Variants in UAP1 observed in about 807,000 individuals in gnomAD.
The protein encoded by UAP1 is UDP-N-acetylglucosamine pyrophosphorylase 1.
In UAP1, 25 loss-of-function variants were observed where a neutral mutation model predicts 58.5. That is an observed-to-expected ratio of 0.43 (90% CI 0.31 to 0.60). The LOEUF (loss-of-function observed/expected upper bound fraction) is 0.60, where lower values mean the gene tolerates loss of function less well. Ranked by LOEUF, UAP1 falls within the 20% of genes least tolerant of loss-of-function variation. The pLI, the probability that UAP1 is intolerant of heterozygous loss-of-function variation, is 0.11. For synonymous variants in UAP1, 208 were observed against 213.0 expected, an observed-to-expected ratio of 0.98 and a Z score of 0.21; for missense variants, 575 against 630.0, an observed-to-expected ratio of 0.91 and a Z score of 0.93.
chr1:162,594,165 A>G (rs1470192604), intron 9 of UAP1, among the ~76,000 whole-genome samples: 1 of 152,146 alleles, frequency 6.6e-6, no homozygotes, highest in South Asian at 2.1e-4. Context: ...TAATTATACA[A>G]CTCACTGTAA....
chr1:162,579,511 A>G, exon 4 of UAP1: 1 of 1,612,000 alleles, frequency 6.2e-7, no homozygotes, highest in Non-Finnish European at 8.5e-7. Context: ...AAAAAAGAGA[A>G]TGTAATCTTT....
At chr1:162,572,000 G>C (rs986823282) in intron 2 of UAP1, among the ~76,000 whole-genome samples, 5 of 152,192 alleles carry the variant, frequency 3.3e-5, no homozygotes, top group Non-Finnish European at 5.9e-5. Flanking sequence ...GTGTAAACAG[G>C]AAGAAGTTAA....
intron 1 of UAP1, among the ~76,000 whole-genome samples, chr1:162,563,453 C>T (rs1281064851): frequency 6.6e-6 from 1 of 152,084 alleles, no homozygotes; most frequent in African/African-American, 2.4e-5. Flanking sequence ...CAACCTCCGC[C>T]TCCCCGGTTC....
intron 5 of UAP1, among the ~76,000 whole-genome samples, chr1:162,585,170 G>A (rs185115229): frequency 2.6e-5 from 4 of 152,156 alleles, no homozygotes; most frequent in East Asian, 1.9e-4. Flanking sequence ...GATTATAGGT[G>A]TAAGCTACTG....
Position 162,579,424 on chromosome 1 carries a change from T to C in UAP1, c.486-4T>C. The C allele has an allele frequency of 1.3e-6, 2 of 1,499,768 alleles. No individual in the cohort carries two copies. The highest frequency in any genetic ancestry group is 1.8e-6 in the Non-Finnish European group (2 of 1,120,990). 92.9% of individuals were successfully genotyped at this position (1,499,768 alleles called of 1,614,324 possible). A position where few individuals can be genotyped will look rare whatever the true frequency, so the allele number is the denominator to read the frequency against. On this transcript the variant is annotated splice_region_variant and splice_polypyrimidine_tract_variant and intron_variant, in intron 3 of 10. Transcript: ENST00000271469. ...GCTTAGAAGATCTGATTTTCTCTTG[T>C]AAGGTATATAATGACCAGTGGCAGA...
intron 5 of UAP1, among the ~76,000 whole-genome samples, chr1:162,586,807 C>A (rs1654928784): frequency 6.6e-6 from 1 of 152,138 alleles, no homozygotes; most frequent in Non-Finnish European, 1.5e-5. Flanking sequence ...TATCACATCA[C>A]TGGTTTTCAG....
chr1:162,576,535 A>G (rs1654191249), intron 2 of UAP1, among the ~76,000 whole-genome samples: 1 of 152,186 alleles, frequency 6.6e-6, no homozygotes, highest in Non-Finnish European at 1.5e-5. Flanking sequence ...TCTGTGCCTT[A>G]CGTTGATAAG....
At position 162,571,154 on chromosome 1, in the gene UAP1, A is replaced by T. The variant is rs1653840498; in HGVS notation, c.280+4806A>T. Among the ~76,000 whole-genome samples, 6 of 143,432 alleles carry T rather than the reference A, an allele frequency of 4.2e-5. No homozygotes were observed. The South Asian group carries it at 1.1e-3, about 26-fold the overall frequency. 94.1% of individuals were successfully genotyped at this position (143,432 alleles called of 152,430 possible). A position where few individuals can be genotyped will look rare whatever the true frequency, so the allele number is the denominator to read the frequency against. Reference sequence around the variant, plus strand: ...TTTGTTTGTTTGTTTTTTGAGGCGGAGTCTCACTCCGTTGCCCAGGCTGGA... The same window carrying T: ...TTTGTTTGTTTGTTTTTTGAGGCGGTGTCTCACTCCGTTGCCCAGGCTGGA... On this transcript the variant is annotated intron_variant, in intron 2 of 10. Coordinates refer to ENST00000271469, the Ensembl canonical transcript of UAP1.
intron 5 of UAP1, among the ~76,000 whole-genome samples, chr1:162,582,679 C>T (rs1365942276): frequency 6.6e-6 from 1 of 152,108 alleles, no homozygotes; most frequent in Non-Finnish European, 1.5e-5. Context: ...AAAAGGAAGA[C>T]CTTTCTACTG....
intron 4 of UAP1, 32 bp from the exon 5 acceptor site, chr1:162,581,255 A>T: frequency 6.3e-7 from 1 of 1,575,934 alleles, no homozygotes; most frequent in Non-Finnish European, 8.6e-7. Context: ...ATGGATTTTG[A>T]TATGCTACTA....
At position 162,581,664 on chromosome 1, in the gene UAP1, G is replaced by T. The variant is rs529849324; in HGVS notation, c.834+205G>T. 8.5e-5 allele frequency among the ~76,000 whole-genome samples: 13 copies of T among 152,248 alleles called. No individual in the cohort carries two copies. In the East Asian group the frequency reaches 2.5e-3, roughly 29 times the overall value. ...GATGTAATGTTGTATACTTATCACA[G>T]GTAAGAGTTTAAACTATGTGAGGAG... is the stretch of plus-strand genomic sequence containing the variant. On this transcript the variant is annotated intron_variant, in intron 5 of 10. Transcript: ENST00000271469.
chr1:162,566,719 T>C (rs904838528), intron 2 of UAP1, among the ~76,000 whole-genome samples: 15 of 152,110 alleles, frequency 9.9e-5, no homozygotes, highest in Admixed American at 2.0e-4. Flanking sequence ...CTCCACCTCC[T>C]GGGCTCAAGT....
At chr1:162,572,392 A>G (rs1653917739) in intron 2 of UAP1, among the ~76,000 whole-genome samples, 3 of 152,270 alleles carry the variant, frequency 2.0e-5, no homozygotes, top group Admixed American at 6.5e-5. Flanking sequence ...TTAGACCTAT[A>G]GAAAGCACTG....
intron 9 of UAP1, among the ~76,000 whole-genome samples, chr1:162,594,911 G>T (rs1655529987): frequency 6.6e-6 from 1 of 152,134 alleles, no homozygotes; most frequent in African/African-American, 2.4e-5. Flanking sequence ...AGCACCAAAG[G>T]ATGACCTTAC....
At chr1:162,595,855 GTTA>G (rs1048814370) in intron 9 of UAP1, among the ~76,000 whole-genome samples, 20 of 152,144 alleles carry the variant, frequency 1.3e-4, no homozygotes, top group Non-Finnish European at 2.2e-4. Flanking sequence ...ATTTATTATT[GTTA>G]TTATTATTTT....
intron 10 of UAP1, 54 bp downstream of exon 10, chr1:162,597,912 A>G (rs1229101187): frequency 2.0e-6 from 3 of 1,467,892 alleles, no homozygotes; most frequent in African/African-American, 1.4e-5. Flanking sequence ...GTATATTTCA[A>G]AATAATGAAA....
chr1:162,590,436 T>G, exon 8 of UAP1: 2 of 1,613,398 alleles, frequency 1.2e-6, no homozygotes, highest in Non-Finnish European at 1.7e-6. Context: ...TTGATGTCCC[T>G]TCATCATTGC....
chr1:162,589,833 G>A (rs569180521), intron 7 of UAP1, among the ~76,000 whole-genome samples: 7 of 152,216 alleles, frequency 4.6e-5, no homozygotes, highest in South Asian at 4.1e-4. Context: ...TTAGGTGGGC[G>A]TGGTGGTGCA....
intron 7 of UAP1, 120 bp from the exon 8 acceptor site, chr1:162,590,203 C>A: frequency 1.4e-6 from 1 of 736,874 alleles, no homozygotes; most frequent in Non-Finnish European, 2.1e-6. Flanking sequence ...ATATTTTATT[C>A]ATCATTCAGA....
Sources: allele counts gnomAD v4.1 joint callset (sites outside exome capture counted in the v4.1 genomes callset), GRCh38; gene constraint gnomAD v4.1.1; transcripts MANE v1.5; gene names NCBI Gene and HGNC (gene_info 2026-07-23, HGNC 2026-07-21).